The following ZZEF1 variants were observed in gnomAD, a reference collection of about 807,000 sequenced individuals.
The protein encoded by ZZEF1 is zinc finger ZZ-type and EF-hand domain containing 1, also known as zinc finger ZZ-type and EF-hand domain-containing protein 1.
ZZEF1 carries 157 observed loss-of-function variants against 342.8 expected under a neutral mutation model. That is an observed-to-expected ratio of 0.46 (90% CI 0.40 to 0.52). ZZEF1 has a LOEUF of 0.52. Ranked by LOEUF, ZZEF1 falls within the 20% of genes least tolerant of loss-of-function variation. The pLI is 0.00. For missense variants in ZZEF1, 3,480 were observed against 3,725.6 expected, an observed-to-expected ratio of 0.93 and a Z score of 1.72; for synonymous variants, 1,505 against 1,429.1, an observed-to-expected ratio of 1.05 and a Z score of -1.20.
rs564183005 is a variant in ZZEF1 at position 4,121,832 on chromosome 17, C to T, written c.499+2075G>A. 2.0e-5 allele frequency among the ~76,000 whole-genome samples: 3 copies of T among 151,938 alleles called. No homozygotes were observed. In the East Asian group the frequency reaches 5.8e-4, roughly 30 times the overall value. ...CAACCTCCTGGTCTCAAGCAATCCT[C>T]CTGCCTCAGTATCCCGAGTAGCTGG... On this transcript the variant is annotated intron_variant, in intron 2 of 54. Transcript: ENST00000381638.
At chr17:4,076,809 G>T in intron 20 of ZZEF1, 50 bp from the exon 21 acceptor site, 1 of 1,611,574 alleles carries the variant, frequency 6.2e-7, no homozygotes, top group Non-Finnish European at 8.5e-7. Flanking sequence ...GCTGGGCCTG[G>T]GGATGCAGAC....
At chr17:4,114,556 G>T (rs184873253) in intron 3 of ZZEF1, 86 bp from the exon 4 acceptor site, 2 of 1,138,614 alleles carry the variant, frequency 1.8e-6, no homozygotes, top group Admixed American at 2.9e-5. Flanking sequence ...ACAGAAATAC[G>T]CTTGGTACTC....
chr17:4,088,909 G>C lies in ZZEF1; in HGVS notation c.2026-16C>G, dbSNP rs371255211. On this transcript the variant is annotated splice_polypyrimidine_tract_variant and intron_variant, in intron 12 of 54. Coordinates refer to ENST00000381638, the MANE Select transcript of ZZEF1 (RefSeq NM_015113.4). ...CCATCAAATACTGGACAGGACAAGA[G>C]AGATTTCAATAGAAGAACTCAGAAT... 2.4e-5 allele frequency: 38 copies of C among 1,612,118 alleles called. No homozygotes were observed. The highest frequency in any genetic ancestry group is 2.2e-5 in the Non-Finnish European group (26 of 1,179,090).
intron 33 of ZZEF1, among the ~76,000 whole-genome samples, chr17:4,054,793 G>A (rs975247704): frequency 1.3e-5 from 2 of 152,162 alleles, no homozygotes; most frequent in African/African-American, 4.8e-5. Context: ...TGGATCAAAG[G>A]GGCAAGCCTG....
At chr17:4,027,812 A>G (rs1228457571) in intron 42 of ZZEF1, among the ~76,000 whole-genome samples, 1 of 151,988 alleles carries the variant, frequency 6.6e-6, no homozygotes, top group East Asian at 1.9e-4. Flanking sequence ...TATGCTGCCC[A>G]GGCTGGCCCC....
chr17:4,020,023 A>C, intron 45 of ZZEF1: 1 of 390,376 alleles, frequency 2.6e-6, no homozygotes. Context: ...CCTGTCAACA[A>C]AATACAATGC....
At chr17:4,127,331 T>C (rs1395601255) in intron 1 of ZZEF1, among the ~76,000 whole-genome samples, 1 of 152,168 alleles carries the variant, frequency 6.6e-6, no homozygotes, top group African/African-American at 2.4e-5. Flanking sequence ...AACTGGACTT[T>C]GTGTTTTGCT....
chr17:4,081,573 C>A, intron 17 of ZZEF1, 83 bp from the exon 18 acceptor site: 1 of 1,204,288 alleles, frequency 8.3e-7, no homozygotes, highest in South Asian at 1.3e-5. Flanking sequence ...AAACAGAGCG[C>A]AGAAAGGTTT....
At chr17:4,010,724 C>CAAAAAAAAAAAAAAAAAAGAAAAAAAAA in intron 52 of ZZEF1, among the ~76,000 whole-genome samples, 1 of 85,244 alleles carries the variant, frequency 1.2e-5, no homozygotes, top group South Asian at 4.2e-4. Flanking sequence ...GATTCCGTCT[C>CAAAAAAAAAAAAAAAAAAGAAAAAAAAA]AAAAAAAAAA....
intron 18 of ZZEF1, among the ~76,000 whole-genome samples, chr17:4,080,147 C>G (rs528883472): frequency 6.6e-6 from 1 of 152,136 alleles, no homozygotes; most frequent in Non-Finnish European, 1.5e-5. Context: ...ATCTAGAAAT[C>G]TTTTTTCTGT....
In ZZEF1 at chr17:4,109,644, A is replaced by G; in HGVS notation, c.1277+9T>C. ...TTGAGGGGGCTGGAACATAGAGAGA[A>G]TGACTTACTGAGTATTGTGCAGCAC... On this transcript the variant is annotated intron_variant, in intron 6 of 54. Coordinates refer to ENST00000381638, the MANE Select transcript of ZZEF1 (RefSeq NM_015113.4). The G allele has an allele frequency of 6.2e-7, 1 of 1,613,958 alleles. No homozygotes were observed. Among genetic ancestry groups the G allele is most frequent in the East Asian group, 2.2e-5 (1 of 44,876 alleles).
rs1233282469 is a variant in ZZEF1, at chr17:4,090,732, C to T, written c.2012G>A (p.Cys671Tyr). 1.9e-6 allele frequency: 3 copies of T among 1,613,978 alleles called. No individual in the cohort carries two copies. The highest frequency in any genetic ancestry group is 2.5e-6 in the Non-Finnish European group (3 of 1,179,932). ...WDEADVKLQQ[C>Y]RVAKYLMVKF... ...ACTAATGCTTACTTTGGCAACTCTGCACTGTTGCAGCTTCACATCTGCTTC... is the reference window on the plus strand; with the variant it reads ...ACTAATGCTTACTTTGGCAACTCTGTACTGTTGCAGCTTCACATCTGCTTC... The change falls in exon 12 of 55, where the codon TGC becomes TAC. Residue 671 changes from cysteine to tyrosine, a missense_variant. This residue lies in a region of ZZEF1 where 1,528 missense variants were observed against 1,624.1 expected (regional missense o/e 0.94). Transcript: ENST00000381638.
At chr17:4,085,246 A>G (rs1283085781) in intron 16 of ZZEF1, among the ~76,000 whole-genome samples, 2 of 152,200 alleles carry the variant, frequency 1.3e-5, no homozygotes, top group Non-Finnish European at 2.9e-5. Flanking sequence ...GGTGAGGTAC[A>G]CTGTAGGTAA....
chr17:4,063,916 T>TGAGG (rs1356885906), intron 29 of ZZEF1, among the ~76,000 whole-genome samples: 1 of 152,086 alleles, frequency 6.6e-6, no homozygotes, highest in Non-Finnish European at 1.5e-5. Flanking sequence ...TTAGTACAGA[T>TGAGG]GAGGTTTCAC....
rs116999753 is a variant in ZZEF1 at position 4,026,074 on chromosome 17, G to A, written c.6893-956C>T. On this transcript the variant is annotated intron_variant, in intron 42 of 54. Transcript: ENST00000381638. ...AGGGGTGGGTTGGGGAGAGCTCTCC[G>A]GAGATCCACAGAGTCACTCACGAGT... Among the ~76,000 whole-genome samples the A allele has an allele frequency of 8.5e-5, 13 of 152,254 alleles. No individual in the cohort carries two copies. The East Asian group carries it at 1.5e-3, about 18-fold the overall frequency.
intron 43 of ZZEF1, among the ~76,000 whole-genome samples, chr17:4,023,907 A>G (rs1261174310): frequency 1.3e-5 from 2 of 152,138 alleles, no homozygotes; most frequent in Non-Finnish European, 2.9e-5. Flanking sequence ...AATGGTCTCA[A>G]TTCTACAACT....
At chr17:4,040,535 C>T (rs893707475) in intron 39 of ZZEF1, among the ~76,000 whole-genome samples, 2 of 151,818 alleles carry the variant, frequency 1.3e-5, no homozygotes, top group Non-Finnish European at 2.9e-5. Flanking sequence ...TCACTTTATT[C>T]GGAAGAGAAG....
intron 9 of ZZEF1, among the ~76,000 whole-genome samples, chr17:4,097,989 G>A (rs913789734): frequency 4.7e-5 from 7 of 148,586 alleles, no homozygotes; most frequent in Admixed American, 4.1e-4. Flanking sequence ...TATAATCCCA[G>A]CACTTTGGGA....
intron 1 of ZZEF1, among the ~76,000 whole-genome samples, chr17:4,139,906 G>C (rs1235732451): frequency 1.3e-5 from 2 of 152,258 alleles, no homozygotes; most frequent in African/African-American, 4.8e-5. Context: ...CTGTCCTGCA[G>C]GTAACTGCGG....
Sources: gnomAD v4.1 joint callset for allele counts (sites outside exome capture counted in the v4.1 genomes callset) on GRCh38, gnomAD v4.1.1 for gene constraint, gnomAD v4.1.1 regional missense constraint, MANE v1.5 for transcripts, NCBI Gene and HGNC (gene_info 2026-07-23, HGNC 2026-07-21) for gene names.